The following NOL10 variants were observed in gnomAD, a reference collection of about 807,000 sequenced individuals.
NOL10 encodes the protein H_NH0074G24.1.
NOL10 carries 58 observed loss-of-function variants against 103.5 expected under a neutral mutation model. The ratio of observed to expected loss-of-function variants is 0.56; its 90% confidence interval spans 0.45 to 0.70. The LOEUF (loss-of-function observed/expected upper bound fraction) is 0.70, where lower values mean the gene tolerates loss of function less well. NOL10 is among the 30% of genes least tolerant of loss of function. NOL10 has a pLI of 0.00. For missense variants in NOL10, 763 were observed against 807.3 expected (o/e 0.95, Z 0.67); for synonymous variants, 287 against 282.5 (o/e 1.02, Z -0.16).
At chr2:10,624,748 T>C (rs145908028) in intron 13 of NOL10, among the ~76,000 whole-genome samples, 2 of 151,830 alleles carry the variant, frequency 1.3e-5, no homozygotes, top group East Asian at 1.9e-4. Flanking sequence ...TGTGACCATA[T>C]GACATAGCAA....
At chr2:10,603,539 T>C (rs749451570) in intron 14 of NOL10, among the ~76,000 whole-genome samples, 14 of 152,106 alleles carry the variant, frequency 9.2e-5, no homozygotes, top group African/African-American at 2.9e-4. Flanking sequence ...AGGAGAAACA[T>C]TGTCATCGAC....
chr2:10,689,669 C>G, intron 1 of NOL10, 127 bp downstream of exon 1: 1 of 927,712 alleles, frequency 1.1e-6, no homozygotes, highest in Non-Finnish European at 1.6e-6. Context: ...GCCTCTGGGC[C>G]TCCCCGAGTC....
chr2:10,660,356 C>T (rs1680116705), intron 9 of NOL10, among the ~76,000 whole-genome samples: 2 of 152,156 alleles, frequency 1.3e-5, no homozygotes, highest in African/African-American at 4.8e-5. Flanking sequence ...TCACTCCCGT[C>T]GCCCAGGCTG....
chr2:10,656,464 G>T (rs1679845762), intron 11 of NOL10, among the ~76,000 whole-genome samples: 1 of 152,206 alleles, frequency 6.6e-6, no homozygotes, highest in Non-Finnish European at 1.5e-5. Context: ...CAGAACCTAT[G>T]AATTAGGTGA....
intron 13 of NOL10, among the ~76,000 whole-genome samples, chr2:10,643,304 A>G (rs968719113): frequency 2.0e-5 from 3 of 152,234 alleles, no homozygotes; most frequent in African/African-American, 7.2e-5. Flanking sequence ...TATCATAGAC[A>G]GGAATAATTT....
intron 13 of NOL10, chr2:10,634,506 T>C (rs747954436): frequency 2.2e-6 from 1 of 456,616 alleles, no homozygotes; most frequent in South Asian, 1.5e-5. Context: ...GACATCCAAG[T>C]GGAGAAGCCG....
chr2:10,622,409 A>G (rs774847909), intron 13 of NOL10, among the ~76,000 whole-genome samples: 8 of 152,080 alleles, frequency 5.3e-5, no homozygotes, highest in African/African-American at 1.4e-4. Flanking sequence ...ACTTGTTAAT[A>G]ATGGTAATGA....
chr2:10,611,375 A>G (rs978296339), intron 13 of NOL10, among the ~76,000 whole-genome samples: 7 of 152,396 alleles, frequency 4.6e-5, no homozygotes, highest in Admixed American at 2.6e-4. Flanking sequence ...CATGTGCCCA[A>G]GATGATCACT....
At chr2:10,659,966 T>C (rs947188965) in intron 9 of NOL10, among the ~76,000 whole-genome samples, 1 of 152,144 alleles carries the variant, frequency 6.6e-6, no homozygotes. Flanking sequence ...GTGAATGCTA[T>C]GGCCACGACT....
chr2:10,649,311 A>ATTTTTTTTTTTTTTTT (rs56031158), intron 12 of NOL10, among the ~76,000 whole-genome samples: 2 of 99,062 alleles, frequency 2.0e-5, no homozygotes, highest in African/African-American at 8.3e-5. Flanking sequence ...GTATGTTTGA[A>ATTTTTTTTTTTTTTTT]TTTTTTTTTT....
chr2:10,599,992 A>G (rs1675890893), intron 17 of NOL10, among the ~76,000 whole-genome samples: 1 of 152,080 alleles, frequency 6.6e-6, no homozygotes, highest in Non-Finnish European at 1.5e-5. Context: ...ACCAGAGGAC[A>G]GAGAAAGAAT....
chr2:10,681,987 C>A lies in NOL10; in HGVS notation c.195G>T (p.Gln65His). Residue 65 changes from glutamine (Q) to histidine (H), a missense_variant, in exon 3 of 21, where the codon CAG becomes CAT. By Grantham distance (24) the Gln-to-His change is conservative (BLOSUM62 0). Coordinates refer to ENST00000381685, the MANE Select transcript of NOL10 (RefSeq NM_024894.4). ...CTTIKVSKDG[Q>H]YILATGTYKP... is the part of the protein sequence containing the mutation. ...GATGCTTACCAGTTGCTAAAATGTA[C>A]TGTCCATCTTTTGACACCTTAATAG... 5.5e-6 allele frequency: 8 copies of A among 1,456,404 alleles called. No homozygotes were observed. The highest frequency in any genetic ancestry group is 7.3e-6 in the Non-Finnish European group (8 of 1,091,596). 90.2% of individuals were successfully genotyped at this position (1,456,404 alleles called of 1,614,324 possible).
intron 19 of NOL10, among the ~76,000 whole-genome samples, chr2:10,585,290 T>G (rs1674965566): frequency 1.3e-5 from 2 of 152,100 alleles, no homozygotes; most frequent in Non-Finnish European, 2.9e-5. Flanking sequence ...GGACTCCCAG[T>G]AAAACACCTA....
At chr2:10,638,277 CCT>C (rs1247138661) in intron 13 of NOL10, among the ~76,000 whole-genome samples, 5 of 151,174 alleles carry the variant, frequency 3.3e-5, no homozygotes, top group African/African-American at 1.2e-4. Flanking sequence ...AGAGCAAGAC[CCT>C]GTCTCATTCA....
chr2:10,607,184 C>A lies in NOL10; in HGVS notation c.1153+1G>T. ...ATATTTCATCACAATTTTTTTTTTA[C>A]CTAAATTTTCAAGGTCTTTCTTGGT... On this transcript the variant is annotated splice_donor_variant, in intron 14 of 20. Transcript: ENST00000381685. LOFTEE classifies it high-confidence loss of function. 1.3e-6 allele frequency: 2 copies of A among 1,519,422 alleles called. No homozygotes were observed. Among genetic ancestry groups the A allele is most frequent in the Non-Finnish European group, 8.9e-7 (1 of 1,127,736 alleles). 94.1% of individuals were successfully genotyped at this position (1,519,422 alleles called of 1,614,324 possible).
intron 8 of NOL10, among the ~76,000 whole-genome samples, chr2:10,665,911 T>C (rs1426027323): frequency 6.6e-6 from 1 of 152,222 alleles, no homozygotes; most frequent in African/African-American, 2.4e-5. Flanking sequence ...TGTTAGACTC[T>C]GGGGGTACGT....
At chr2:10,657,970 A>G in intron 10 of NOL10, 79 bp from the exon 11 acceptor site, 1 of 1,126,224 alleles carries the variant, frequency 8.9e-7, no homozygotes, top group Non-Finnish European at 1.2e-6. Context: ...GAATAATGGC[A>G]GCCATTTGCT....
intron 18 of NOL10, 47 bp from the exon 19 acceptor site, chr2:10,589,337 A>C: frequency 1.2e-6 from 2 of 1,603,702 alleles, no homozygotes; most frequent in Admixed American, 3.4e-5. Context: ...CCAGTCAAAC[A>C]CAGACCCCTT....
intron 1 of NOL10, among the ~76,000 whole-genome samples, chr2:10,685,941 A>T (rs1225430731): frequency 3.1e-5 from 3 of 98,102 alleles, no homozygotes; most frequent in African/African-American, 5.5e-5. Flanking sequence ...ACACACCTGT[A>T]GTCCCAGCTA....
Sources: gnomAD v4.1 joint callset for allele counts (sites outside exome capture counted in the v4.1 genomes callset) on GRCh38, gnomAD v4.1.1 for gene constraint, MANE v1.5 for transcripts, NCBI Gene and HGNC (gene_info 2026-07-23, HGNC 2026-07-21) for gene names.